LRRC3B: variants seen among roughly 807,000 people sequenced by gnomAD.
LRRC3B encodes the protein leucine rich repeat containing 3B.
Under a neutral mutation model 12.8 loss-of-function variants are expected in LRRC3B, and 2 were observed. That is an observed-to-expected ratio of 0.16 (90% CI 0.06 to 0.49). LRRC3B has a LOEUF of 0.49. LRRC3B is among the 20% of genes least tolerant of loss of function. LRRC3B has a pLI of 0.96. For missense variants in LRRC3B, 189 were observed against 319.4 expected (o/e 0.59, Z 3.11); for synonymous variants, 132 against 122.0 (o/e 1.08, Z -0.54).
chr3:26,645,878 G>A (rs1699132852), intron 1 of LRRC3B, among the ~76,000 whole-genome samples: 1 of 152,110 alleles, frequency 6.6e-6, no homozygotes, highest in African/African-American at 2.4e-5. Flanking sequence ...TCATGTCTCT[G>A]CTATTGATTC....
intron 1 of LRRC3B, among the ~76,000 whole-genome samples, chr3:26,649,470 CTT>C (rs10592635): frequency 0.43 from 66,072 of 151,926 alleles, 14,528 homozygotes; most frequent in Middle Eastern, 0.51. Context: ...CTGTGTGACT[CTT>C]TTTCCCCAGA....
chr3:26,625,092 G>T (rs1251969617), intron 1 of LRRC3B: 2 of 152,310 alleles, frequency 1.3e-5, no homozygotes, highest in African/African-American at 4.8e-5. Context: ...TGGAGGTTGG[G>T]TGGGTTTGGA....
exon 2 of LRRC3B, chr3:26,709,851 G>C (rs1700705226): frequency 6.2e-7 from 1 of 1,613,972 alleles, no homozygotes; most frequent in South Asian, 1.1e-5. Context: ...GAAATACCTA[G>C]AGATCTTCCT....
At chr3:26,688,453 C>T (rs774209220) in intron 1 of LRRC3B, among the ~76,000 whole-genome samples, 22 of 152,234 alleles carry the variant, frequency 1.4e-4, no homozygotes, top group East Asian at 5.8e-4. Flanking sequence ...TCATTTATAA[C>T]GAAAAGAAGT....
In LRRC3B at chr3:26,636,978, C is replaced by CTT. The variant is rs1553601417; in HGVS notation, c.-161+13742_-161+13743insTT. ...TCTTTCTTTCTTTCTTTCTTTCTCT[C>CTT]TCTCTCTTTCTCTCTTTCTCTCTTT... On this transcript the variant is annotated intron_variant, in intron 1 of 1. Coordinates refer to ENST00000396641, the Ensembl canonical transcript of LRRC3B. Among the ~76,000 whole-genome samples, 278 of 88,052 alleles carry CTT rather than the reference C, an allele frequency of 3.2e-3. 4 individuals are homozygous for CTT. The highest frequency in any genetic ancestry group is 4.9e-3 in the Non-Finnish European group (212 of 43,144). The allele number at this position is 88,052 out of a possible 152,430, so 57.8% of individuals were successfully genotyped here.
intron 1 of LRRC3B, among the ~76,000 whole-genome samples, chr3:26,676,695 T>C (rs906324828): frequency 6.6e-6 from 1 of 152,138 alleles, no homozygotes; most frequent in African/African-American, 2.4e-5. Context: ...TCCTCAGGGA[T>C]CTAGAACTAG....
intron 1 of LRRC3B, among the ~76,000 whole-genome samples, chr3:26,704,655 C>G (rs1429095726): frequency 6.6e-6 from 1 of 152,078 alleles, no homozygotes; most frequent in Non-Finnish European, 1.5e-5. Flanking sequence ...GCACCTCAAT[C>G]TATCTCATAA....
At chr3:26,684,566 A>T (rs148347530) in intron 1 of LRRC3B, among the ~76,000 whole-genome samples, 2 of 152,336 alleles carry the variant, frequency 1.3e-5, no homozygotes, top group East Asian at 3.9e-4. Context: ...TCCAAGATCT[A>T]GGTGCTGGCA....
chr3:26,629,301 A>G (rs1162541988), intron 1 of LRRC3B, among the ~76,000 whole-genome samples: 2 of 151,404 alleles, frequency 1.3e-5, no homozygotes, highest in African/African-American at 4.9e-5. Flanking sequence ...CATTGATAGA[A>G]GAAGTATTCA....
chr3:26,656,221 G>A (rs1204679201), intron 1 of LRRC3B, among the ~76,000 whole-genome samples: 6 of 152,174 alleles, frequency 3.9e-5, no homozygotes, highest in South Asian at 4.1e-4. Context: ...GAGCTGACAC[G>A]CAGGATGGTT....
chr3:26,687,372 C>G (rs1212918102), intron 1 of LRRC3B, among the ~76,000 whole-genome samples: 1 of 152,134 alleles, frequency 6.6e-6, no homozygotes. Context: ...ATCAGTGTAT[C>G]CTCTGCATTA....
chr3:26,708,565 A>T (rs2125467215), intron 1 of LRRC3B, among the ~76,000 whole-genome samples: 1 of 152,250 alleles, frequency 6.6e-6, no homozygotes, highest in Admixed American at 6.5e-5. Flanking sequence ...GGTCCCAAAG[A>T]TGTGTGCTTT....
At chr3:26,684,122 G>A (rs1700025701) in intron 1 of LRRC3B, among the ~76,000 whole-genome samples, 1 of 152,150 alleles carries the variant, frequency 6.6e-6, no homozygotes, top group Non-Finnish European at 1.5e-5. Flanking sequence ...CAATTCCTTG[G>A]AATCTTTATT....
At chr3:26,641,258 A>AG (rs756042705) in intron 1 of LRRC3B, among the ~76,000 whole-genome samples, 3 of 152,150 alleles carry the variant, frequency 2.0e-5, no homozygotes, top group Non-Finnish European at 4.4e-5. Context: ...TGGCCTAAGG[A>AG]GGAAGCAGGC....
At chr3:26,699,194 G>A (rs1017452103) in intron 1 of LRRC3B, among the ~76,000 whole-genome samples, 28 of 152,222 alleles carry the variant, frequency 1.8e-4, no homozygotes, top group African/African-American at 5.5e-4. Flanking sequence ...TATGTGATGT[G>A]AGAATCATTT....
At chr3:26,697,488 C>T (rs1012077390) in intron 1 of LRRC3B, among the ~76,000 whole-genome samples, 1 of 151,746 alleles carries the variant, frequency 6.6e-6, no homozygotes, top group Non-Finnish European at 1.5e-5. Flanking sequence ...CTTTCCATCT[C>T]AAGATCCTTA....
chr3:26,705,390 G>A (rs932508549), intron 1 of LRRC3B, among the ~76,000 whole-genome samples: 1 of 151,948 alleles, frequency 6.6e-6, no homozygotes, highest in Admixed American at 6.6e-5. Context: ...AAGGGAATGA[G>A]TAGATGGGGA....
chr3:26,622,773 T>C (rs1356649197), upstream of LRRC3B: 2 of 152,138 alleles, frequency 1.3e-5, no homozygotes, highest in African/African-American at 4.8e-5. Flanking sequence ...TCCTCCCTCA[T>C]TCCCAGCCTG....
At chr3:26,661,235 G>T (rs1023150942) in intron 1 of LRRC3B, among the ~76,000 whole-genome samples, 1 of 152,138 alleles carries the variant, frequency 6.6e-6, no homozygotes, top group Admixed American at 6.5e-5. Context: ...CAGTCAAAAG[G>T]CAGATTCCTC....
Sources: gnomAD v4.1 joint callset for allele counts (sites outside exome capture counted in the v4.1 genomes callset) on GRCh38, gnomAD v4.1.1 for gene constraint, MANE v1.5 for transcripts, NCBI Gene and HGNC (gene_info 2026-07-23, HGNC 2026-07-21) for gene names.